The following ZNHIT6 variants were observed in gnomAD, a reference collection of about 807,000 sequenced individuals.
The protein encoded by ZNHIT6 is box C/D snoRNA protein 1.
Under a neutral mutation model 57.2 loss-of-function variants are expected in ZNHIT6, and 45 were observed. The ratio of observed to expected loss-of-function variants is 0.79; its 90% CI spans 0.62 to 1.01. The LOEUF is 1.01. ZNHIT6 is among the 50% of genes least tolerant of loss of function. The pLI, the probability that ZNHIT6 is intolerant of heterozygous loss-of-function variation, is 0.00. For synonymous variants in ZNHIT6, 188 were observed against 190.0 expected (o/e 0.99, Z 0.09); for missense variants, 528 against 567.3 (o/e 0.93, Z 0.70).
intron 5 of ZNHIT6, among the ~76,000 whole-genome samples, chr1:85,694,985 T>C (rs1662324433): frequency 6.6e-6 from 1 of 152,002 alleles, no homozygotes; most frequent in Admixed American, 6.6e-5. Flanking sequence ...GAAAATAAGA[T>C]GGGCACAGTG....
At chr1:85,679,734 G>A (rs972936829) in intron 6 of ZNHIT6, among the ~76,000 whole-genome samples, 5 of 151,818 alleles carry the variant, frequency 3.3e-5, no homozygotes, top group South Asian at 2.1e-4. Flanking sequence ...ACAGGGGTGC[G>A]CCACTTCCCC....
In ZNHIT6 at chr1:85,706,474, G is replaced by A. The variant is rs149554503; in HGVS notation, c.690C>T (p.Tyr230=). ...CETCGTEEAK[Y]RCPRCMRYSC... is the part of the protein sequence containing the mutation. ...AATATCGCATACAACGTGGACATCT[G>A]TACTTTGCTTCTTCTGTACCACAAG... Residue 230 remains tyrosine (Y), a synonymous_variant, in exon 2 of 10, where the codon TAC becomes TAT. Coordinates refer to ENST00000370574, the MANE Select transcript of ZNHIT6 (RefSeq NM_017953.4). 8.1e-6 allele frequency: 13 copies of A among 1,596,728 alleles called. No homozygotes were observed. The highest frequency in any genetic ancestry group is 1.7e-4 in the Middle Eastern group (1 of 6,030).
At chr1:85,684,153 T>C (rs1003171389) in intron 5 of ZNHIT6, among the ~76,000 whole-genome samples, 1 of 152,198 alleles carries the variant, frequency 6.6e-6, no homozygotes, top group Non-Finnish European at 1.5e-5. Flanking sequence ...TTACTATACC[T>C]AGTATATTCT....
intron 5 of ZNHIT6, among the ~76,000 whole-genome samples, chr1:85,686,530 C>G (rs1662041578): frequency 6.6e-6 from 1 of 150,920 alleles, no homozygotes. Context: ...TTGAATATTT[C>G]TGTTCTTTTT....
Position 85,677,233 on chromosome 1 carries a change from T to C in ZNHIT6, c.1247+3A>G, listed in dbSNP as rs1299741996. 1 of 1,596,490 alleles carries C rather than the reference T, an allele frequency of 6.3e-7. No individual in the cohort carries two copies. The highest frequency in any genetic ancestry group is 8.5e-7 in the Non-Finnish European group (1 of 1,174,380). ...AAAGAAATGGGGAGGGGAGCAATTT[T>C]ACCTTACTAAATTTTGCTGCATATA... On this transcript the variant is annotated splice_donor_region_variant and intron_variant, in intron 8 of 9. Transcript: ENST00000370574.
chr1:85,706,464 G>A lies in ZNHIT6; in HGVS notation c.700C>T (p.Arg234Cys), dbSNP rs199924358. The A allele has an allele frequency of 1.2e-5, 19 of 1,608,752 alleles. No homozygotes were observed. The highest frequency in any genetic ancestry group is 1.7e-4 in the Middle Eastern group (1 of 6,040). ...TACCTGCAGGAATATCGCATACAAC[G>A]TGGACATCTGTACTTTGCTTCTTCT... ...GTEEAKYRCP[R>C]CMRYSCSLPC... The change falls in exon 2 of 10, where the codon CGT (arginine) becomes TGT (cysteine). Residue 234 changes from arginine (R) to cysteine (C), a missense_variant. By Grantham distance (180) the Arg-to-Cys change is radical. Transcript: ENST00000370574.
intron 5 of ZNHIT6, among the ~76,000 whole-genome samples, chr1:85,695,280 T>C (rs1398324576): frequency 6.6e-6 from 1 of 151,388 alleles, no homozygotes; most frequent in African/African-American, 2.4e-5. Flanking sequence ...AAAAAAAAGA[T>C]GAAATAAAGA....
At chr1:85,663,880 T>C (rs1051292916) in intron 8 of ZNHIT6, among the ~76,000 whole-genome samples, 4 of 152,170 alleles carry the variant, frequency 2.6e-5, no homozygotes, top group Non-Finnish European at 5.9e-5. Context: ...CCAAACTCTC[T>C]GGCTTGTAAA....
rs1570343525 is a variant in ZNHIT6 at position 85,708,289 on chromosome 1, T to C, written c.-5A>G. ...ATTTTCAGCAGCAAACTCCATCAAC[T>C]CACGATCCTTGGCCTCTGCTGCCAC... On this transcript the variant is annotated 5_prime_UTR_variant, in exon 1 of 10. Transcript: ENST00000370574. 1 of 1,590,382 alleles carries C rather than the reference T, an allele frequency of 6.3e-7. No homozygotes were observed. Among genetic ancestry groups the C allele is most frequent in the South Asian group, 1.1e-5 (1 of 89,498 alleles).
rs572361491 is a variant in ZNHIT6, at chr1:85,652,801, T to C, written c.*1257A>G. 2.6e-5 allele frequency: 4 copies of C among 152,356 alleles called. No individual in the cohort carries two copies. The highest frequency in any genetic ancestry group is 9.6e-5 in the African/African-American group (4 of 41,596). 9.4% of individuals were successfully genotyped at this position (152,356 alleles called of 1,614,324 possible). ...GCTTTTTAACCATTAAGTACACACA[T>C]ACAATATAGATGTAACAATCTTTTT... On this transcript the variant is annotated 3_prime_UTR_variant, in exon 10 of 10. Transcript: ENST00000370574.
intron 8 of ZNHIT6, among the ~76,000 whole-genome samples, chr1:85,659,231 GAGGTGGCTGAAAATGCATCCCC>G (rs1661160055): frequency 6.6e-6 from 1 of 152,152 alleles, no homozygotes; most frequent in South Asian, 2.1e-4. Flanking sequence ...AAATAAGTCT[GAGGTGGCTGAAAATGCATCCCC>G]AGAACATTCA....
Position 85,708,280 on chromosome 1 carries a change from T to G in ZNHIT6, c.5A>C (p.Glu2Ala), listed in dbSNP as rs763613272. The change falls in exon 1 of 10, where the codon GAG becomes GCG. Residue 2 changes from glutamate to alanine, a missense_variant. Coordinates refer to ENST00000370574, the MANE Select transcript of ZNHIT6 (RefSeq NM_017953.4). M[E>A]FAAENEGKSG... ...CTTCCCTTCATTTTCAGCAGCAAAC[T>G]CCATCAACTCACGATCCTTGGCCTC... The G allele has an allele frequency of 6.3e-7, 1 of 1,596,382 alleles. No homozygotes were observed. Among genetic ancestry groups the G allele is most frequent in the Non-Finnish European group, 8.5e-7 (1 of 1,169,876 alleles).
chr1:85,654,547 T>A (rs1395041995), intron 9 of ZNHIT6, among the ~76,000 whole-genome samples: 1 of 152,108 alleles, frequency 6.6e-6, no homozygotes, highest in Non-Finnish European at 1.5e-5. Flanking sequence ...GAAAGAAGAA[T>A]AGAAATGGAG....
rs1247937211 is a variant in ZNHIT6 at position 85,652,010 on chromosome 1, T to C, written c.*2048A>G. ...TTCCTAATAGCCTATAATTGAAAAG[T>C]CTAATAGAATTCTAGAAAATAAAGA... is the stretch of plus-strand genomic sequence containing the variant. On this transcript the variant is annotated 3_prime_UTR_variant, in exon 10 of 10. Transcript: ENST00000370574. The C allele has an allele frequency of 2.0e-5, 3 of 152,196 alleles. No individual in the cohort carries two copies. The highest frequency in any genetic ancestry group is 6.5e-5 in the Admixed American group (1 of 15,278). The allele number at this position is 152,196 out of a possible 1,614,324, so 9.4% of individuals were successfully genotyped here. A position where few individuals can be genotyped will look rare whatever the true frequency, so the allele number is the denominator to read the frequency against.
In ZNHIT6 at chr1:85,657,989, A is replaced by C. The variant is rs183728289; in HGVS notation, c.1248-18T>G. ...CATAATATCTTATTAATAAAAAAAA[A>C]CAAAAAACCAGGAAACACTCTTAAT... On this transcript the variant is annotated intron_variant, in intron 8 of 9. Coordinates refer to ENST00000370574, the MANE Select transcript of ZNHIT6 (RefSeq NM_017953.4). 4,315 of 1,406,078 alleles carry C rather than the reference A, an allele frequency of 3.1e-3. 14 individuals carry two copies. The highest frequency in any genetic ancestry group is 3.8e-3 in the Non-Finnish European group (3,934 of 1,036,374). 87.1% of individuals were successfully genotyped at this position (1,406,078 alleles called of 1,614,324 possible).
intron 5 of ZNHIT6, among the ~76,000 whole-genome samples, chr1:85,696,764 A>G (rs1022049514): frequency 6.6e-6 from 1 of 152,054 alleles, no homozygotes; most frequent in Admixed American, 6.6e-5. Context: ...GGCCTGGTTA[A>G]TCCATACTTT....
chr1:85,677,897 T>A (rs1200350356), intron 7 of ZNHIT6, among the ~76,000 whole-genome samples: 1 of 152,198 alleles, frequency 6.6e-6, no homozygotes, highest in Admixed American at 6.5e-5. Context: ...GGAGCACTAA[T>A]AACTCACACT....
At chr1:85,678,621 T>A in intron 7 of ZNHIT6, 80 bp downstream of exon 7, 1 of 943,766 alleles carries the variant, frequency 1.1e-6, no homozygotes, top group Non-Finnish European at 1.6e-6. Flanking sequence ...CACATCACAT[T>A]CTAATAGTCA....
chr1:85,684,469 C>T lies in ZNHIT6; in HGVS notation c.1020-3565G>A, dbSNP rs530937150. 2.6e-5 allele frequency among the ~76,000 whole-genome samples: 4 copies of T among 152,214 alleles called. No homozygotes were observed. In the South Asian group the frequency reaches 8.3e-4, roughly 32 times the overall value. On this transcript the variant is annotated intron_variant, in intron 5 of 9. Transcript: ENST00000370574. ...TGCTATTTTAATGCTTGTGGCCCTA[C>T]AAAGGGCTACTGTATGCAACAGATA...
Sources: allele counts gnomAD v4.1 joint callset (sites outside exome capture counted in the v4.1 genomes callset), GRCh38; gene constraint gnomAD v4.1.1; transcripts MANE v1.5; gene names NCBI Gene and HGNC (gene_info 2026-07-23, HGNC 2026-07-21).